ADGB: variants seen among roughly 807,000 people sequenced by gnomAD.
ADGB encodes the protein androglobin, also known as calpain-7-like protein.
Under a neutral mutation model 210.5 loss-of-function variants are expected in ADGB, and 172 were observed. That is an observed-to-expected ratio of 0.82 (90% CI 0.72 to 0.93). ADGB has a LOEUF of 0.93. Ranked by LOEUF, ADGB falls within the 40% of genes least tolerant of loss-of-function variation. The pLI is 0.00. For synonymous variants in ADGB, 658 were observed against 662.7 expected, an observed-to-expected ratio of 0.99 and a Z score of 0.11; for missense variants, 2,025 against 1,964.8, an observed-to-expected ratio of 1.03 and a Z score of -0.58.
intron 11 of ADGB, among the ~76,000 whole-genome samples, 171 bp downstream of exon 11, chr6:146,691,461 A>AATATATATATAAAT (rs1776320141): frequency 2.7e-4 from 5 of 18,232 alleles, no homozygotes; most frequent in African/African-American, 2.3e-3. Flanking sequence ...TATATATAAA[A>AATATATATATAAAT]ATATATATAT....
At position 146,713,917 on chromosome 6, in the gene ADGB, A is replaced by G. The variant is rs144963501; in HGVS notation, c.1708-1465A>G. 1.5e-4 allele frequency among the ~76,000 whole-genome samples: 23 copies of G among 152,032 alleles called. No individual in the cohort carries two copies. In the East Asian group the frequency reaches 4.2e-3, roughly 28 times the overall value. The stretch of plus-strand genomic sequence containing the variant: ...ATCCGCTTCAGTGCCTAAAGCTTGT[A>G]TTGTTTATGCCACTTATTCTATTTT... On this transcript the variant is annotated intron_variant, in intron 13 of 35. Coordinates refer to ENST00000397944, the MANE Select transcript of ADGB (RefSeq NM_024694.4).
chr6:146,641,609 C>T (rs765823485), intron 2 of ADGB, among the ~76,000 whole-genome samples: 6 of 151,954 alleles, frequency 3.9e-5, no homozygotes, highest in East Asian at 3.9e-4. Flanking sequence ...CACACATCTA[C>T]GGCCATCTGA....
chr6:146,780,684 C>T (rs1777785598), intron 29 of ADGB, among the ~76,000 whole-genome samples: 1 of 151,948 alleles, frequency 6.6e-6, no homozygotes, highest in African/African-American at 2.4e-5. Context: ...CAACAGAATT[C>T]AAAATACATG....
intron 9 of ADGB, among the ~76,000 whole-genome samples, chr6:146,681,603 T>C (rs1245312976): frequency 3.3e-5 from 5 of 152,088 alleles, no homozygotes; most frequent in Admixed American, 6.6e-5. Context: ...AGCAAAGAAG[T>C]AAATTAGCCT....
intron 3 of ADGB, among the ~76,000 whole-genome samples, 175 bp downstream of exon 3, chr6:146,645,040 T>C (rs1300537852): frequency 6.6e-6 from 1 of 152,054 alleles, no homozygotes; most frequent in Non-Finnish European, 1.5e-5. Context: ...TATAGTTTAA[T>C]GTTTCTTGTA....
intron 6 of ADGB, among the ~76,000 whole-genome samples, chr6:146,665,876 A>G (rs1280113900): frequency 6.6e-6 from 1 of 152,082 alleles, no homozygotes; most frequent in Non-Finnish European, 1.5e-5. Context: ...TTCAATGTCA[A>G]TGTGAGATAT....
At chr6:146,608,680 G>A (rs986129635) in intron 1 of ADGB, among the ~76,000 whole-genome samples, 3 of 152,100 alleles carry the variant, frequency 2.0e-5, no homozygotes, top group South Asian at 2.1e-4. Flanking sequence ...TTCATTATAT[G>A]ACTTTTAGAG....
intron 26 of ADGB, among the ~76,000 whole-genome samples, chr6:146,749,369 A>G (rs9403813): frequency 0.17 from 26,561 of 152,110 alleles, 2,526 homozygotes; most frequent in East Asian, 0.39. Flanking sequence ...AGTTTGCAAA[A>G]TGAGAATCAG....
At chr6:146,668,805 G>A (rs1775970043) in intron 7 of ADGB, among the ~76,000 whole-genome samples, 1 of 152,064 alleles carries the variant, frequency 6.6e-6, no homozygotes, top group Non-Finnish European at 1.5e-5. Flanking sequence ...AATCAAAACA[G>A]AGTATCTTCT....
At position 146,691,446 on chromosome 6, in the gene ADGB, AT is replaced by A. The variant is rs1776317068; in HGVS notation, c.1486+157del. Among the ~76,000 whole-genome samples the A allele has an allele frequency of 1.9e-4, 3 of 16,122 alleles. 1 individual carries two copies. The highest frequency in any genetic ancestry group is 8.8e-4 in the African/African-American group (2 of 2,270). 10.6% of individuals were successfully genotyped at this position (16,122 alleles called of 152,430 possible). On this transcript the variant is annotated intron_variant, in intron 11 of 35. Coordinates refer to ENST00000397944, the MANE Select transcript of ADGB (RefSeq NM_024694.4). Reference sequence around the variant, plus strand: ...TATATATATATATATATATATAAAAATATATATATATAAAAATATATATATA... The same window carrying A: ...TATATATATATATATATATATAAAAAATATATATATAAAAATATATATATA...
At chr6:146,700,812 TA>T in intron 12 of ADGB, 128 bp from the exon 13 acceptor site, 1 of 1,094,074 alleles carries the variant, frequency 9.1e-7, no homozygotes, top group Non-Finnish European at 1.3e-6. Flanking sequence ...TTACTGGTAG[TA>T]AAAGAATGAG....
intron 1 of ADGB, among the ~76,000 whole-genome samples, chr6:146,610,151 T>A (rs570134530): frequency 1.3e-5 from 2 of 152,362 alleles, no homozygotes; most frequent in South Asian, 4.1e-4. Context: ...ACTAATTGTG[T>A]TATAAAATTC....
intron 3 of ADGB, among the ~76,000 whole-genome samples, chr6:146,652,104 C>T (rs957094058): frequency 3.3e-5 from 5 of 152,190 alleles, no homozygotes; most frequent in East Asian, 1.9e-4. Context: ...TATCCTGTCC[C>T]GGGTACAGGT....
At chr6:146,638,203 C>A (rs967598785) in intron 2 of ADGB, among the ~76,000 whole-genome samples, 1 of 135,996 alleles carries the variant, frequency 7.4e-6, no homozygotes, top group Admixed American at 8.0e-5. Context: ...GATGTTAACC[C>A]TTTTCCCATT....
rs1167516685 is a variant in ADGB, at chr6:146,692,842, C to A, written c.1504C>A (p.Pro502Thr). Reference sequence around the variant, plus strand: ...CTTTTTAGAGTTAATAGTAAAGAAGCCTGAACGGTTCCTTGAGATTTCAAG... The same window carrying A: ...CTTTTTAGAGTTAATAGTAAAGAAGACTGAACGGTTCCTTGAGATTTCAAG... ...DEAQELIVKK[P>T]ERFLEISSPF... The change falls in exon 12 of 36, where the codon CCT becomes ACT. Residue 502 changes from proline to threonine, a missense_variant. Physicochemically the swap from Pro to Thr is conservative, Grantham distance 38. Coordinates refer to ENST00000397944, the MANE Select transcript of ADGB (RefSeq NM_024694.4). 6.5e-7 allele frequency: 1 copy of A among 1,534,318 alleles called. No individual in the cohort carries two copies. Among genetic ancestry groups the A allele is most frequent in the Non-Finnish European group, 8.8e-7 (1 of 1,136,726 alleles).
chr6:146,778,417 G>T (rs184110635), intron 29 of ADGB, among the ~76,000 whole-genome samples: 1 of 152,256 alleles, frequency 6.6e-6, no homozygotes, highest in Non-Finnish European at 1.5e-5. Context: ...AGGAGAAAAG[G>T]TGTCCTCTGT....
intron 1 of ADGB, among the ~76,000 whole-genome samples, chr6:146,628,267 A>G (rs1001517647): frequency 1.1e-4 from 16 of 151,794 alleles, no homozygotes; most frequent in African/African-American, 3.9e-4. Context: ...AAACATCTCC[A>G]TATAAGAATT....
chr6:146,750,167 G>C (rs1777299775), intron 26 of ADGB, among the ~76,000 whole-genome samples: 1 of 152,082 alleles, frequency 6.6e-6, no homozygotes, highest in Non-Finnish European at 1.5e-5. Context: ...TTGTTGGTTT[G>C]TTTTTTGCTT....
intron 5 of ADGB, among the ~76,000 whole-genome samples, chr6:146,659,634 G>T (rs1199364345): frequency 6.6e-6 from 1 of 152,082 alleles, no homozygotes; most frequent in East Asian, 1.9e-4. Context: ...TTCCAGTTTG[G>T]ATTCTAAGTA....
Sources: allele counts gnomAD v4.1 joint callset (sites outside exome capture counted in the v4.1 genomes callset), GRCh38; gene constraint gnomAD v4.1.1; transcripts MANE v1.5; gene names NCBI Gene and HGNC (gene_info 2026-07-23, HGNC 2026-07-21).